RGMB: variants seen among roughly 807,000 people sequenced by gnomAD.
The protein encoded by RGMB is repulsive guidance molecule BMP co-receptor b.
Under a neutral mutation model 26.9 loss-of-function variants are expected in RGMB, and 16 were observed. The observed-to-expected ratio is 0.60, with a 90% CI of 0.40 to 0.90. The LOEUF (loss-of-function observed/expected upper bound fraction) is 0.90, where lower values mean the gene tolerates loss of function less well. Among genes scored for constraint, RGMB ranks in the 40% least tolerant of loss-of-function variants. The pLI, the probability that RGMB is intolerant of heterozygous loss-of-function variation, is 0.00. For missense variants in RGMB, 512 were observed against 573.3 expected (o/e 0.89, Z 1.09); for synonymous variants, 225 against 229.3 (o/e 0.98, Z 0.17).
intron 2 of RGMB, among the ~76,000 whole-genome samples, chr5:98,784,785 T>C (rs546174769): frequency 6.6e-6 from 1 of 152,356 alleles, no homozygotes; most frequent in Admixed American, 6.5e-5. Flanking sequence ...TTTATCATTA[T>C]TTTTCTGGAC....
rs1438192762 is a variant in RGMB at position 98,795,771 on chromosome 5, C to T, written c.*2018C>T. On this transcript the variant is annotated 3_prime_UTR_variant, in exon 3 of 3. Transcript: ENST00000513185. ...GAGTAGTACAAGCGAGGAAAAAATA[C>T]GGAGGATAACCACTATTTTTGTGCA... 2.6e-5 allele frequency: 4 copies of T among 152,110 alleles called. No individual in the cohort carries two copies. The highest frequency in any genetic ancestry group is 2.0e-4 in the Admixed American group (3 of 15,294). The allele number at this position is 152,110 out of a possible 1,614,324, so 9.4% of individuals were successfully genotyped here. A position where few individuals can be genotyped will look rare whatever the true frequency, so the allele number is the denominator to read the frequency against.
chr5:98,774,904 G>T (rs1260007002), intron 1 of RGMB, among the ~76,000 whole-genome samples: 1 of 152,138 alleles, frequency 6.6e-6, no homozygotes, highest in East Asian at 1.9e-4. Flanking sequence ...GCCTTGAGGC[G>T]TATGTTCCAA....
chr5:98,793,043 C>T (rs1317319364), intron 2 of RGMB, 42 bp from the exon 3 acceptor site: 2 of 1,500,378 alleles, frequency 1.3e-6, no homozygotes, highest in Middle Eastern at 1.8e-4. Context: ...CGTTCTGCTT[C>T]CTTCCCATTC....
In RGMB at chr5:98,796,224, G is replaced by A. The variant is rs1253714210; in HGVS notation, c.*2471G>A. 1 of 152,068 alleles carries A rather than the reference G, an allele frequency of 6.6e-6. No individual in the cohort carries two copies. Among genetic ancestry groups the A allele is most frequent in the Non-Finnish European group, 1.5e-5 (1 of 68,040 alleles). 9.4% of individuals were successfully genotyped at this position (152,068 alleles called of 1,614,324 possible). A position where few individuals can be genotyped will look rare whatever the true frequency, so the allele number is the denominator to read the frequency against. On this transcript the variant is annotated 3_prime_UTR_variant, in exon 3 of 3. Transcript: ENST00000513185. ...GTGGATAGGCTATAGCTGTTCAGAGGTCTCCTGGGGGAGCTTAAAACGGGG... is the reference window on the plus strand; with the variant it reads ...GTGGATAGGCTATAGCTGTTCAGAGATCTCCTGGGGGAGCTTAAAACGGGG...
chr5:98,787,904 C>G (rs1746812518), intron 2 of RGMB, among the ~76,000 whole-genome samples: 1 of 152,204 alleles, frequency 6.6e-6, no homozygotes, highest in African/African-American at 2.4e-5. Flanking sequence ...GATGCTGCTT[C>G]TCTAGACCAC....
rs184318049 is a variant in RGMB, at chr5:98,793,463, T to C, written c.1024T>C (p.Leu342=). Residue 342 remains leucine, a synonymous_variant, in exon 3 of 3, where the codon TTG becomes CTG. Coordinates refer to ENST00000513185, the MANE Select transcript of RGMB (RefSeq NM_001366508.1). ...ILGHSLPRTS[L]VQAWPGYTLE... is the part of the protein sequence containing the mutation. ...GGGACACAGCCTGCCTCGCACCTCC[T>C]TGGTGCAGGCCTGGCCTGGCTACAC... 6.7e-4 allele frequency: 1,078 copies of C among 1,613,082 alleles called. 1 individual carries two copies. The highest frequency in any genetic ancestry group is 8.1e-4 in the Non-Finnish European group (960 of 1,179,550).
At chr5:98,789,698 TGA>T (rs143978179) in intron 2 of RGMB, among the ~76,000 whole-genome samples, 2,024 of 152,164 alleles carry the variant, frequency 0.013, 37 homozygotes, top group African/African-American at 0.046. Flanking sequence ...AGGTGGGGGT[TGA>T]GAGGGGCTGG....
chr5:98,795,198 C>T lies in RGMB; in HGVS notation c.*1445C>T, dbSNP rs1156959930. 6.6e-6 allele frequency: 1 copy of T among 152,132 alleles called. No individual in the cohort carries two copies. The highest frequency in any genetic ancestry group is 1.5e-5 in the Non-Finnish European group (1 of 68,026). The allele number at this position is 152,132 out of a possible 1,614,324, so 9.4% of individuals were successfully genotyped here. A position where few individuals can be genotyped will look rare whatever the true frequency, so the allele number is the denominator to read the frequency against. On this transcript the variant is annotated 3_prime_UTR_variant, in exon 3 of 3. Transcript: ENST00000513185. ...AGTTAACTCCAGGATAGGTAGGTTTCTATTGTTATAGCTAGATGTAAATCT... is the reference window on the plus strand; with the variant it reads ...AGTTAACTCCAGGATAGGTAGGTTTTTATTGTTATAGCTAGATGTAAATCT...
Position 98,795,598 on chromosome 5 carries a change from A to G in RGMB, c.*1845A>G, listed in dbSNP as rs2112388429. ...TTCTTACTCATGGAGATTCAACTATAGAGAGTTGAAACCTAAACCCGCCTT... is the reference window on the plus strand; with the variant it reads ...TTCTTACTCATGGAGATTCAACTATGGAGAGTTGAAACCTAAACCCGCCTT... On this transcript the variant is annotated 3_prime_UTR_variant, in exon 3 of 3. Coordinates refer to ENST00000513185, the MANE Select transcript of RGMB (RefSeq NM_001366508.1). 6.6e-6 allele frequency: 1 copy of G among 152,340 alleles called. No homozygotes were observed. The highest frequency in any genetic ancestry group is 2.1e-4 in the South Asian group (1 of 4,822). The allele number at this position is 152,340 out of a possible 1,614,324, so 9.4% of individuals were successfully genotyped here.
intron 1 of RGMB, among the ~76,000 whole-genome samples, chr5:98,778,843 G>C (rs1746498863): frequency 6.6e-6 from 1 of 151,778 alleles, no homozygotes; most frequent in East Asian, 1.9e-4. Flanking sequence ...TGGGAGCTAG[G>C]ATCCTAGGGT....
At position 98,791,036 on chromosome 5, in the gene RGMB, C is replaced by T. The variant is rs530665843; in HGVS notation, c.646-2049C>T. Among the ~76,000 whole-genome samples, 15 of 152,288 alleles carry T rather than the reference C, an allele frequency of 9.8e-5. 1 individual carries two copies. In the South Asian group the frequency reaches 1.9e-3, roughly 19 times the overall value. ...CGGATTTTAGAGCCACCAAATAAAT[C>T]TATTTTATGGTCCCGTTAGATATCT... On this transcript the variant is annotated intron_variant, in intron 2 of 2. Coordinates refer to ENST00000513185, the MANE Select transcript of RGMB (RefSeq NM_001366508.1).
chr5:98,781,662 A>G (rs1746611710), intron 2 of RGMB, among the ~76,000 whole-genome samples: 1 of 152,220 alleles, frequency 6.6e-6, no homozygotes, highest in Non-Finnish European at 1.5e-5. Context: ...GTGACCTTCG[A>G]ACAAAACTAT....
upstream of RGMB, chr5:98,773,449 GATGGAC>G (rs1746244950): frequency 6.5e-6 from 1 of 154,568 alleles, no homozygotes; most frequent in Non-Finnish European, 1.4e-5. Context: ...ACTTGGAGTC[GATGGAC>G]AGGGAACTCG....
rs1561450312 is a variant in RGMB at position 98,795,095 on chromosome 5, C to T, written c.*1342C>T. 1 of 152,284 alleles carries T rather than the reference C, an allele frequency of 6.6e-6. No homozygotes were observed. The highest frequency in any genetic ancestry group is 1.9e-4 in the East Asian group (1 of 5,186). The allele number at this position is 152,284 out of a possible 1,614,324, so 9.4% of individuals were successfully genotyped here. On this transcript the variant is annotated 3_prime_UTR_variant, in exon 3 of 3. Coordinates refer to ENST00000513185, the MANE Select transcript of RGMB (RefSeq NM_001366508.1). ...AGAAATTCCTATAAAGTAAGATCTC[C>T]TTGCCTCTTCCATCCATTGTTGGCA...
intron 2 of RGMB, among the ~76,000 whole-genome samples, chr5:98,781,342 T>C (rs921723895): frequency 3.3e-5 from 5 of 152,208 alleles, no homozygotes; most frequent in African/African-American, 1.2e-4. Context: ...ACTTCAACTC[T>C]CAGTAAAAGC....
At chr5:98,772,957 A>G (rs1288439629), upstream of RGMB, 1 of 152,202 alleles carries the variant, frequency 6.6e-6, no homozygotes, top group Non-Finnish European at 1.5e-5. Flanking sequence ...GAAATGTCAA[A>G]CTAGAACACC....
Position 98,790,909 on chromosome 5 carries a change from C to G in RGMB, c.646-2176C>G, listed in dbSNP as rs375994843. Among the ~76,000 whole-genome samples the G allele has an allele frequency of 1.1e-4, 16 of 152,242 alleles. No homozygotes were observed. In the South Asian group the frequency reaches 3.3e-3, roughly 32 times the overall value. ...TATTACTAACTCTTATTTTAGCCAT[C>G]TGTATTGTTGACTTTCAACTTTTTC... On this transcript the variant is annotated intron_variant, in intron 2 of 2. Coordinates refer to ENST00000513185, the MANE Select transcript of RGMB (RefSeq NM_001366508.1).
intron 2 of RGMB, among the ~76,000 whole-genome samples, chr5:98,783,062 C>T (rs967149071): frequency 1.3e-5 from 2 of 152,212 alleles, no homozygotes; most frequent in Admixed American, 6.5e-5. Flanking sequence ...CCCTCTCCTC[C>T]CCTTCCTTGG....
At chr5:98,770,749 TTTCCTTTCCTTAC>T, upstream of RGMB, 1 of 866,732 alleles carries the variant, frequency 1.2e-6, no homozygotes, top group Admixed American at 3.9e-5. Flanking sequence ...TTTTCTCTCC[TTTCCTTTCCTTAC>T]TGTTCTAACG....
Sources: gnomAD v4.1 joint callset for allele counts (sites outside exome capture counted in the v4.1 genomes callset) on GRCh38, gnomAD v4.1.1 for gene constraint, MANE v1.5 for transcripts, NCBI Gene and HGNC (gene_info 2026-07-23, HGNC 2026-07-21) for gene names.